Variants in NKAIN2 observed in about 807,000 individuals in gnomAD.
The protein encoded by NKAIN2 is sodium/potassium transporting ATPase interacting 2.
Under a neutral mutation model 32.6 loss-of-function variants are expected in NKAIN2, and 14 were observed. The observed-to-expected ratio is 0.43, with a 90% CI of 0.28 to 0.67. The LOEUF (loss-of-function observed/expected upper bound fraction) is 0.67, where lower values mean the gene tolerates loss of function less well. Among genes scored for constraint, NKAIN2 ranks in the 30% least tolerant of loss-of-function variants. The pLI is 0.17. For missense variants in NKAIN2, 198 were observed against 258.3 expected (o/e 0.77, Z 1.60); for synonymous variants, 80 against 87.2 (o/e 0.92, Z 0.46).
intron 1 of NKAIN2, among the ~76,000 whole-genome samples, chr6:123,843,113 C>T (rs904623406): frequency 1.3e-5 from 2 of 152,126 alleles, no homozygotes; most frequent in Non-Finnish European, 2.9e-5. Context: ...GTGGTACAAA[C>T]AATTCTCTTT....
At chr6:124,217,231 G>A (rs1482023230) in intron 1 of NKAIN2, among the ~76,000 whole-genome samples, 5 of 152,138 alleles carry the variant, frequency 3.3e-5, no homozygotes, top group Admixed American at 6.5e-5. Context: ...GGGAGAGGGG[G>A]AAGAGTGAGG....
chr6:124,646,460 T>C (rs1252028088), intron 3 of NKAIN2, among the ~76,000 whole-genome samples: 1 of 151,924 alleles, frequency 6.6e-6, no homozygotes, highest in Admixed American at 6.6e-5. Context: ...CCTGTAGTAA[T>C]AGAAAGAGTG....
intron 2 of NKAIN2, among the ~76,000 whole-genome samples, chr6:124,340,049 A>C (rs538101995): frequency 2.7e-4 from 41 of 152,300 alleles, no homozygotes; most frequent in African/African-American, 8.4e-4. Context: ...ACTTCAACAT[A>C]GGGAAAGCCC....
chr6:124,298,646 A>C (rs1796163982), intron 2 of NKAIN2, among the ~76,000 whole-genome samples: 1 of 152,196 alleles, frequency 6.6e-6, no homozygotes, highest in Non-Finnish European at 1.5e-5. Context: ...CAGAACTATA[A>C]ATAATATATA....
intron 3 of NKAIN2, among the ~76,000 whole-genome samples, chr6:124,599,823 A>T (rs1242065695): frequency 6.6e-6 from 1 of 152,096 alleles, no homozygotes; most frequent in Non-Finnish European, 1.5e-5. Context: ...ACCAAGGGTG[A>T]TGATAAATGA....
Position 124,356,878 on chromosome 6 carries a change from G to T in NKAIN2, c.273+1531G>T, listed in dbSNP as rs1007957198. Among the ~76,000 whole-genome samples, 9 of 152,140 alleles carry T rather than the reference G, an allele frequency of 5.9e-5. 1 individual carries two copies. Among genetic ancestry groups the T allele is most frequent in the African/African-American group, 1.9e-4 (8 of 41,428 alleles). ...AATCACCTTAAAAATTGTAAGGCAG[G>T]TGTTCAGACATATGGCCTGAGTAAA... On this transcript the variant is annotated intron_variant, in intron 3 of 6. Transcript: ENST00000368417.
chr6:123,868,104 G>A (rs1358895919), intron 1 of NKAIN2, among the ~76,000 whole-genome samples: 10 of 152,056 alleles, frequency 6.6e-5, no homozygotes, highest in African/African-American at 2.4e-4. Context: ...TCCTGACCTT[G>A]TGATCTGCCC....
At chr6:123,888,822 C>T (rs886280602) in intron 1 of NKAIN2, among the ~76,000 whole-genome samples, 1 of 152,050 alleles carries the variant, frequency 6.6e-6, no homozygotes, top group South Asian at 2.1e-4. Context: ...TAGGGACTGT[C>T]CATACTTGAG....
intron 3 of NKAIN2, among the ~76,000 whole-genome samples, chr6:124,419,146 T>G (rs1774634599): frequency 6.6e-6 from 1 of 152,112 alleles, no homozygotes; most frequent in Non-Finnish European, 1.5e-5. Flanking sequence ...GGAATCTTCT[T>G]TCACTTTCTC....
At chr6:124,686,290 G>A (rs893697714) in intron 4 of NKAIN2, among the ~76,000 whole-genome samples, 1 of 152,148 alleles carries the variant, frequency 6.6e-6, no homozygotes, top group African/African-American at 2.4e-5. Context: ...GGAAATACCT[G>A]AGGCTGGGTA....
chr6:124,392,978 C>T (rs1015925993), intron 3 of NKAIN2, among the ~76,000 whole-genome samples: 1 of 152,088 alleles, frequency 6.6e-6, no homozygotes, highest in African/African-American at 2.4e-5. Context: ...GCACTCCAGC[C>T]TGGATGACAG....
chr6:123,880,930 G>T (rs549162979), intron 1 of NKAIN2, among the ~76,000 whole-genome samples: 1 of 152,160 alleles, frequency 6.6e-6, no homozygotes, highest in African/African-American at 2.4e-5. Context: ...TGAATGAAAA[G>T]AATTAGCAAA....
chr6:124,012,274 C>A (rs1780370136), intron 1 of NKAIN2, among the ~76,000 whole-genome samples: 1 of 151,144 alleles, frequency 6.6e-6, no homozygotes, highest in East Asian at 1.9e-4. Flanking sequence ...GATTCCCATT[C>A]TAGGATTTTA....
chr6:124,036,407 C>T (rs1426671283), intron 1 of NKAIN2, among the ~76,000 whole-genome samples: 1 of 152,022 alleles, frequency 6.6e-6, no homozygotes, highest in Admixed American at 6.6e-5. Flanking sequence ...CTTCTGGTTG[C>T]CATTTCCATT....
chr6:124,518,384 A>C (rs1779002531), intron 3 of NKAIN2, among the ~76,000 whole-genome samples: 1 of 152,042 alleles, frequency 6.6e-6, no homozygotes, highest in Admixed American at 6.6e-5. Flanking sequence ...CTATAGAGAA[A>C]TACCTGAGAC....
At chr6:124,016,646 C>T (rs1295466040) in intron 1 of NKAIN2, among the ~76,000 whole-genome samples, 3 of 152,156 alleles carry the variant, frequency 2.0e-5, no homozygotes, top group Non-Finnish European at 1.5e-5. Flanking sequence ...ACAGTAATAG[C>T]AGCAACCACC....
intron 3 of NKAIN2, among the ~76,000 whole-genome samples, chr6:124,616,336 A>G (rs1782886140): frequency 6.6e-6 from 1 of 151,306 alleles, no homozygotes; most frequent in South Asian, 2.1e-4. Context: ...ACTTGGCCAT[A>G]TGAGAAGCTG....
intron 1 of NKAIN2, among the ~76,000 whole-genome samples, chr6:124,073,452 C>T (rs1171187943): frequency 6.6e-6 from 1 of 152,100 alleles, no homozygotes; most frequent in Non-Finnish European, 1.5e-5. Context: ...TATTAATGCA[C>T]CTAATTAGTG....
intron 1 of NKAIN2, among the ~76,000 whole-genome samples, chr6:124,019,228 T>C (rs1780746105): frequency 6.6e-6 from 1 of 152,106 alleles, no homozygotes; most frequent in South Asian, 2.1e-4. Flanking sequence ...GAGATTTGGG[T>C]GGGGACGAAA....
Sources: gnomAD v4.1 joint callset for allele counts (sites outside exome capture counted in the v4.1 genomes callset) on GRCh38, gnomAD v4.1.1 for gene constraint, MANE v1.5 for transcripts, NCBI Gene and HGNC (gene_info 2026-07-23, HGNC 2026-07-21) for gene names.